TIA1: variants seen among roughly 807,000 people sequenced by gnomAD.
The protein encoded by TIA1 is cytotoxic granule associated RNA binding protein TIA1.
TIA1 carries 23 observed loss-of-function variants against 65.9 expected under a neutral mutation model. The ratio of observed to expected loss-of-function variants is 0.35; its 90% CI spans 0.25 to 0.49. The LOEUF is 0.49. TIA1 is among the 20% of genes least tolerant of loss of function. The pLI, the probability that TIA1 is intolerant of heterozygous loss-of-function variation, is 0.98. For synonymous variants in TIA1, 147 were observed against 149.4 expected (o/e 0.98, Z 0.12); for missense variants, 371 against 477.9 (o/e 0.78, Z 2.09).
At chr2:70,236,494 C>T (rs1046445561) in intron 1 of TIA1, among the ~76,000 whole-genome samples, 6 of 151,386 alleles carry the variant, frequency 4.0e-5, no homozygotes, top group South Asian at 4.2e-4. Context: ...CCACTGCACC[C>T]GGTTTTTTTT....
At chr2:70,248,258 T>C (rs920014106) in intron 1 of TIA1, 147 bp downstream of exon 1, 6 of 867,396 alleles carry the variant, frequency 6.9e-6, no homozygotes, top group South Asian at 3.8e-5. Flanking sequence ...GGGTCTTGGT[T>C]GTAAGCATCC....
upstream of TIA1, chr2:70,248,714 C>T: frequency 1.9e-6 from 1 of 516,000 alleles, no homozygotes; most frequent in Non-Finnish European, 3.5e-6. Flanking sequence ...CCGGGCCGCC[C>T]GGCTACACCT....
In TIA1 at chr2:70,216,115, T is replaced by C. The variant is rs544535217; in HGVS notation, c.764+93A>G. On this transcript the variant is annotated intron_variant, in intron 10 of 12. Coordinates refer to ENST00000433529, the MANE Select transcript of TIA1 (RefSeq NM_022173.4). ...GAAAACGAGGTAAATGTTCAAAAAA[T>C]ATTTTGGAGGAAAAAGTTTTTTATT... The C allele has an allele frequency of 3.1e-4, 354 of 1,137,326 alleles. 3 individuals are homozygous for C. The East Asian group carries it at 9.3e-3, about 30-fold the overall frequency. The allele number at this position is 1,137,326 out of a possible 1,614,324, so 70.5% of individuals were successfully genotyped here.
chr2:70,241,404 T>C (rs1353249235), intron 1 of TIA1, among the ~76,000 whole-genome samples: 1 of 151,728 alleles, frequency 6.6e-6, no homozygotes, highest in Non-Finnish European at 1.5e-5. Context: ...ATCATGCCAC[T>C]GTACTCCAGC....
At chr2:70,234,177 C>G (rs1057394040) in intron 2 of TIA1, among the ~76,000 whole-genome samples, 3 of 152,162 alleles carry the variant, frequency 2.0e-5, no homozygotes, top group African/African-American at 7.2e-5. Context: ...GGGTTTACAG[C>G]CTTGCTTTGC....
intron 7 of TIA1, among the ~76,000 whole-genome samples, chr2:70,220,856 C>T (rs1680972284): frequency 6.6e-6 from 1 of 151,430 alleles, no homozygotes; most frequent in Non-Finnish European, 1.5e-5. Flanking sequence ...TGAGGATAAA[C>T]AGTGGTTTTG....
chr2:70,230,241 C>CA (rs111994578), intron 3 of TIA1, among the ~76,000 whole-genome samples: 8,998 of 96,802 alleles, frequency 0.093, 904 homozygotes, highest in African/African-American at 0.27. Context: ...AGACCCAACT[C>CA]AAAAAAAAAA....
At chr2:70,222,098 A>G (rs567906598) in intron 7 of TIA1, among the ~76,000 whole-genome samples, 44 of 152,208 alleles carry the variant, frequency 2.9e-4, no homozygotes, top group African/African-American at 1.1e-3. Flanking sequence ...TACTTGAATT[A>G]TATCTCAATA....
intron 2 of TIA1, among the ~76,000 whole-genome samples, chr2:70,231,205 G>A (rs1686118189): frequency 6.6e-6 from 1 of 152,202 alleles, no homozygotes; most frequent in South Asian, 2.1e-4. Context: ...GGGAGGCTGA[G>A]GCAGGAGAAT....
intron 7 of TIA1, among the ~76,000 whole-genome samples, chr2:70,218,856 T>C (rs915054852): frequency 1.4e-4 from 22 of 152,204 alleles, no homozygotes; most frequent in African/African-American, 5.3e-4. Flanking sequence ...GCCAGGAGCA[T>C]TGCAGTAGCA....
intron 6 of TIA1, 146 bp from the exon 7 acceptor site, chr2:70,224,775 T>C (rs1683086452): frequency 2.8e-6 from 4 of 1,417,934 alleles, no homozygotes; most frequent in East Asian, 2.5e-5. Context: ...ACAAAATTTA[T>C]CATGTATTAG....
In TIA1 at chr2:70,235,828, C is replaced by T. The variant is rs543961789; in HGVS notation, c.123+251G>A. On this transcript the variant is annotated intron_variant, in intron 2 of 12. Coordinates refer to ENST00000433529, the MANE Select transcript of TIA1 (RefSeq NM_022173.4). Reference sequence around the variant, plus strand: ...ATGTTCCCATCTGATCTAGAAATAACTAGTTCTATTGTCATCTTCCATCAT... The same window carrying T: ...ATGTTCCCATCTGATCTAGAAATAATTAGTTCTATTGTCATCTTCCATCAT... Among the ~76,000 whole-genome samples the T allele has an allele frequency of 4.9e-4, 74 of 152,190 alleles. 1 individual carries two copies. In the South Asian group the frequency reaches 0.015, roughly 30 times the overall value.
At position 70,215,416 on chromosome 2, in the gene TIA1, G is replaced by GC; in HGVS notation, c.842dup (p.Cys281TrpfsTer9). On this transcript the variant is annotated frameshift_variant, in exon 11 of 13. Transcript: ENST00000433529. LOFTEE classifies it high-confidence loss of function. ...TATCAAGAGTTTCTTTGCCCCAATA[G>GC]CATTTCACAACATGACCTTCAATGG... is the stretch of plus-strand genomic sequence containing the variant. 6.2e-7 allele frequency: 1 copy of GC among 1,613,962 alleles called. No homozygotes were observed. Among genetic ancestry groups the GC allele is most frequent in the Non-Finnish European group, 8.5e-7 (1 of 1,179,964 alleles).
intron 11 of TIA1, 162 bp downstream of exon 11, chr2:70,215,209 C>T (rs1325049147): frequency 8.4e-6 from 7 of 830,226 alleles, no homozygotes; most frequent in South Asian, 5.3e-5. Flanking sequence ...GTCACCACTG[C>T]AATCCATGAA....
intron 1 of TIA1, among the ~76,000 whole-genome samples, chr2:70,246,027 G>A (rs1031620590): frequency 6.0e-5 from 9 of 149,902 alleles, no homozygotes; most frequent in Admixed American, 4.9e-4. Context: ...GGGTTCAAGC[G>A]ATTCTCCTTC....
At position 70,234,835 on chromosome 2, in the gene TIA1, C is replaced by T. The variant is rs536198884; in HGVS notation, c.123+1244G>A. Among the ~76,000 whole-genome samples, 13 of 152,174 alleles carry T rather than the reference C, an allele frequency of 8.5e-5. No homozygotes were observed. In the East Asian group the frequency reaches 2.1e-3, roughly 25 times the overall value. ...TCGGCCTCCCAAAGTGCTGGGATTA[C>T]AGGTGTGAGCCACTGTGCCCGGCTA... On this transcript the variant is annotated intron_variant, in intron 2 of 12. Coordinates refer to ENST00000433529, the MANE Select transcript of TIA1 (RefSeq NM_022173.4).
chr2:70,232,836 T>A (rs984993054), intron 2 of TIA1, among the ~76,000 whole-genome samples: 6 of 151,864 alleles, frequency 4.0e-5, no homozygotes, highest in African/African-American at 1.5e-4. Flanking sequence ...GCCACTGGAT[T>A]CCAGTCTGGG....
intron 1 of TIA1, among the ~76,000 whole-genome samples, chr2:70,239,474 C>T (rs1690720276): frequency 6.6e-6 from 1 of 152,116 alleles, no homozygotes; most frequent in Non-Finnish European, 1.5e-5. Flanking sequence ...AGAGGTTTAT[C>T]AGTTCTGGAA....
chr2:70,247,691 T>C (rs1463667801), intron 1 of TIA1, among the ~76,000 whole-genome samples: 1 of 152,134 alleles, frequency 6.6e-6, no homozygotes, highest in African/African-American at 2.4e-5. Context: ...CAACACCATG[T>C]CAATCACAAC....
Sources: gnomAD v4.1 joint callset for allele counts (sites outside exome capture counted in the v4.1 genomes callset) on GRCh38, gnomAD v4.1.1 for gene constraint, MANE v1.5 for transcripts, NCBI Gene and HGNC (gene_info 2026-07-23, HGNC 2026-07-21) for gene names.